Variants in DAB1 observed in about 807,000 individuals in gnomAD.
DAB1 encodes disabled homolog 1.
DAB1 carries 15 observed loss-of-function variants against 64.6 expected under a neutral mutation model. The ratio of observed to expected loss-of-function variants is 0.23; its 90% confidence interval spans 0.16 to 0.36. The LOEUF (loss-of-function observed/expected upper bound fraction) is 0.36. Among genes scored for constraint, DAB1 ranks in the 10% least tolerant of loss-of-function variants. The probability of loss-of-function intolerance (pLI) is 1.00; values close to 1 mark genes in which losing one functional copy is unlikely to be tolerated. For missense variants in DAB1, 596 were observed against 706.7 expected, an observed-to-expected ratio of 0.84 and a Z score of 1.78; for synonymous variants, 235 against 251.9, an observed-to-expected ratio of 0.93 and a Z score of 0.64.
At chr1:58,361,561 T>G (rs1186599728) in intron 3 of DAB1, among the ~76,000 whole-genome samples, 3 of 152,164 alleles carry the variant, frequency 2.0e-5, no homozygotes, top group Non-Finnish European at 4.4e-5. Flanking sequence ...ACCACAGTTT[T>G]GTTAGGGGGA....
chr1:58,219,995 TGA>T (rs779136743), intron 4 of DAB1, among the ~76,000 whole-genome samples: 4 of 152,244 alleles, frequency 2.6e-5, no homozygotes, highest in Non-Finnish European at 5.9e-5. Flanking sequence ...TCTCTAAAGT[TGA>T]GACAATAATA....
chr1:57,590,098 A>G (rs1008728853), intron 7 of DAB1, among the ~76,000 whole-genome samples: 26 of 152,238 alleles, frequency 1.7e-4, no homozygotes, highest in Admixed American at 1.2e-3. Context: ...TCTGGAGGCT[A>G]GAAGTCCAAG....
At position 57,640,289 on chromosome 1, in the gene DAB1, G is replaced by A. The variant is rs367599666; in HGVS notation, n.625+9303C>T. On this transcript the variant is annotated intron_variant and non_coding_transcript_variant, in intron 7 of 20. Transcript: ENST00000485760. ...TTTTTGTTAAAATTTCTAGTTGAGG[G>A]GTATGTTTCCAGTGAGGTGGTGCAC... Among the ~76,000 whole-genome samples the A allele has an allele frequency of 3.3e-4, 50 of 152,128 alleles. No homozygotes were observed. In the East Asian group the frequency reaches 7.7e-3, roughly 24 times the overall value.
chr1:57,695,373 AAAG>A (rs1557427808), intron 6 of DAB1, among the ~76,000 whole-genome samples: 2,932 of 51,432 alleles, frequency 0.057, 101 homozygotes, highest in African/African-American at 0.061. Context: ...AGAAAGAAAG[AAAG>A]AAAGAAAGAA....
chr1:57,216,469 T>G (rs1666436662), intron 2 of DAB1, among the ~76,000 whole-genome samples: 1 of 152,170 alleles, frequency 6.6e-6, no homozygotes, highest in Non-Finnish European at 1.5e-5. Context: ...ATATCCAAGA[T>G]GATGTCATTT....
intron 4 of DAB1, among the ~76,000 whole-genome samples, chr1:58,197,316 T>C (rs913670144): frequency 2.0e-5 from 3 of 152,066 alleles, no homozygotes; most frequent in African/African-American, 7.2e-5. Flanking sequence ...GAAGGTAAAA[T>C]AGACAAGACC....
chr1:57,524,331 T>TG (rs1286710694), intron 7 of DAB1, among the ~76,000 whole-genome samples: 3 of 152,184 alleles, frequency 2.0e-5, no homozygotes, highest in Non-Finnish European at 4.4e-5. Flanking sequence ...CATATTACTG[T>TG]GAAATTTCAG....
intron 7 of DAB1, among the ~76,000 whole-genome samples, chr1:57,632,585 C>G (rs1348744767): frequency 6.6e-6 from 1 of 152,084 alleles, no homozygotes; most frequent in South Asian, 2.1e-4. Flanking sequence ...CAGACACAGA[C>G]AGAGGAAGGT....
chr1:57,843,090 T>C (rs1653125661), intron 1 of DAB1, among the ~76,000 whole-genome samples: 1 of 152,172 alleles, frequency 6.6e-6, no homozygotes, highest in Non-Finnish European at 1.5e-5. Flanking sequence ...TGAAAAAAGA[T>C]AAACATTTAA....
intron 7 of DAB1, among the ~76,000 whole-genome samples, chr1:57,562,331 C>T (rs879714750): frequency 3.3e-5 from 5 of 152,338 alleles, no homozygotes; most frequent in Admixed American, 2.6e-4. Context: ...TGAGATCGTG[C>T]CACTGCACTC....
chr1:57,673,677 T>C (rs1367414665), intron 6 of DAB1, among the ~76,000 whole-genome samples: 2 of 151,972 alleles, frequency 1.3e-5, no homozygotes, highest in African/African-American at 4.8e-5. Flanking sequence ...AATAACTCCC[T>C]CAATGGCAGA....
Position 57,142,138 on chromosome 1 carries a change from T to C in DAB1, c.207+3152A>G, listed in dbSNP as rs534894439. On this transcript the variant is annotated intron_variant, in intron 3 of 14. Transcript: ENST00000371236. The stretch of plus-strand genomic sequence containing the variant: ...GATGATCATGATCATGATGCTTTGT[T>C]GGTAGACAGGCAATGGGTCACTCAT... Among the ~76,000 whole-genome samples, 3 of 152,330 alleles carry C rather than the reference T, an allele frequency of 2.0e-5. No homozygotes were observed. In the East Asian group the frequency reaches 5.8e-4, roughly 29 times the overall value.
At chr1:57,044,252 C>T (rs966110559) in intron 9 of DAB1, among the ~76,000 whole-genome samples, 21 of 152,160 alleles carry the variant, frequency 1.4e-4, no homozygotes, top group Admixed American at 1.3e-4. Context: ...AGCCTTTCCC[C>T]GTGGAAGGTG....
intron 6 of DAB1, among the ~76,000 whole-genome samples, chr1:57,699,479 T>G (rs565688628): frequency 3.3e-5 from 5 of 152,208 alleles, no homozygotes; most frequent in Non-Finnish European, 7.3e-5. Flanking sequence ...GTAAATATCC[T>G]TGATGCTTTC....
At chr1:58,388,960 A>C (rs1644455348) in intron 3 of DAB1, among the ~76,000 whole-genome samples, 2 of 152,218 alleles carry the variant, frequency 1.3e-5, no homozygotes, top group Non-Finnish European at 2.9e-5. Context: ...CCATGCTGCA[A>C]GGAGTTCCGA....
chr1:57,559,007 A>T (rs2265795), intron 7 of DAB1, among the ~76,000 whole-genome samples: 2 of 152,122 alleles, frequency 1.3e-5, no homozygotes, highest in South Asian at 4.1e-4. Flanking sequence ...GTGGGAACCA[A>T]AGTAACTCAG....
At chr1:58,251,246 A>T (rs143107341) in intron 4 of DAB1, among the ~76,000 whole-genome samples, 1,980 of 152,298 alleles carry the variant, frequency 0.013, 25 homozygotes, top group South Asian at 0.039. Context: ...TCATCAATAA[A>T]TATTTTTGTG....
chr1:57,827,698 T>C (rs1652411989), intron 1 of DAB1, among the ~76,000 whole-genome samples: 1 of 152,158 alleles, frequency 6.6e-6, no homozygotes, highest in Non-Finnish European at 1.5e-5. Flanking sequence ...GAGCCATGTC[T>C]TCCACCTTTC....
chr1:58,095,574 G>A (rs142883460), intron 5 of DAB1, among the ~76,000 whole-genome samples: 3 of 152,160 alleles, frequency 2.0e-5, no homozygotes, highest in East Asian at 3.9e-4. Flanking sequence ...GAGTTACATC[G>A]GTCTGTTCTT....
Sources: gnomAD v4.1 joint callset for allele counts (sites outside exome capture counted in the v4.1 genomes callset) on GRCh38, gnomAD v4.1.1 for gene constraint, MANE v1.5 for transcripts, NCBI Gene and HGNC (gene_info 2026-07-23, HGNC 2026-07-21) for gene names.